The following MACROD2 variants were observed in gnomAD, a reference collection of about 807,000 sequenced individuals.
The protein encoded by MACROD2 is mono-ADP ribosylhydrolase 2.
A neutral mutation model predicts 70.4 loss-of-function variants in MACROD2; 36 were observed. The ratio of observed to expected loss-of-function variants is 0.51; its 90% CI spans 0.39 to 0.68. The LOEUF (loss-of-function observed/expected upper bound fraction) is 0.68. MACROD2 is among the 30% of genes least tolerant of loss of function. The pLI, the probability that MACROD2 is intolerant of heterozygous loss-of-function variation, is 0.00. For missense variants in MACROD2, 496 were observed against 538.4 expected, an observed-to-expected ratio of 0.92 and a Z score of 0.78; for synonymous variants, 172 against 178.8, an observed-to-expected ratio of 0.96 and a Z score of 0.30.
At chr20:15,437,950 T>C (rs1341562668) in intron 7 of MACROD2, among the ~76,000 whole-genome samples, 2 of 152,122 alleles carry the variant, frequency 1.3e-5, no homozygotes, top group Non-Finnish European at 2.9e-5. Context: ...TGAATAGTGC[T>C]GCAATGAACA....
intron 10 of MACROD2, among the ~76,000 whole-genome samples, chr20:15,910,693 G>A (rs774014847): frequency 2.6e-5 from 4 of 151,982 alleles, no homozygotes; most frequent in African/African-American, 7.3e-5. Context: ...TGAACACGTC[G>A]GTCCACGAAT....
intron 4 of MACROD2, among the ~76,000 whole-genome samples, chr20:14,614,671 A>G (rs1226193377): frequency 6.6e-6 from 1 of 152,096 alleles, no homozygotes; most frequent in Non-Finnish European, 1.5e-5. Flanking sequence ...TGTTGATGAT[A>G]TTTTAGATGT....
intron 15 of MACROD2, 70 bp downstream of exon 15, chr20:15,987,228 A>G: frequency 8.0e-7 from 1 of 1,251,866 alleles, no homozygotes. Context: ...GAATTCAACC[A>G]TCAAAGTTAT....
intron 15 of MACROD2, among the ~76,000 whole-genome samples, chr20:15,991,024 T>C (rs1458255023): frequency 6.7e-6 from 1 of 149,454 alleles, no homozygotes; most frequent in African/African-American, 2.5e-5. Flanking sequence ...TTGTACCCTA[T>C]TGATAAAAAT....
intron 5 of MACROD2, among the ~76,000 whole-genome samples, chr20:14,739,129 G>A (rs777624564): frequency 2.7e-4 from 41 of 151,952 alleles, no homozygotes; most frequent in Non-Finnish European, 4.6e-4. Flanking sequence ...ATAGCATTTG[G>A]AGGAAATAAT....
intron 7 of MACROD2, among the ~76,000 whole-genome samples, chr20:15,459,867 A>G (rs2046783943): frequency 6.6e-6 from 1 of 151,534 alleles, no homozygotes; most frequent in Non-Finnish European, 1.5e-5. Context: ...TTTGGGGGCC[A>G]CCCTTCTCCA....
intron 2 of MACROD2, among the ~76,000 whole-genome samples, chr20:14,058,929 A>G (rs1325812850): frequency 6.6e-6 from 1 of 152,140 alleles, no homozygotes; most frequent in Non-Finnish European, 1.5e-5. Context: ...GGCTTGAGCC[A>G]CTGCGTCTGG....
chr20:15,999,120 A>T (rs1011985406), intron 15 of MACROD2, among the ~76,000 whole-genome samples: 3 of 152,170 alleles, frequency 2.0e-5, no homozygotes. Flanking sequence ...TAATGTAGGC[A>T]TTCATAACTA....
At chr20:15,518,476 G>A (rs570672247) in intron 8 of MACROD2, among the ~76,000 whole-genome samples, 2 of 152,294 alleles carry the variant, frequency 1.3e-5, no homozygotes, top group East Asian at 1.9e-4. Context: ...TGAAGCAGAG[G>A]CCAAATTATT....
chr20:15,754,365 G>A (rs1330285727), intron 8 of MACROD2, among the ~76,000 whole-genome samples: 10 of 152,298 alleles, frequency 6.6e-5, no homozygotes, highest in Non-Finnish European at 7.3e-5. Context: ...GCTCACGCCC[G>A]TAATCTCAGC....
chr20:14,381,743 A>G (rs903776815), intron 3 of MACROD2, among the ~76,000 whole-genome samples: 1 of 152,200 alleles, frequency 6.6e-6, no homozygotes, highest in Admixed American at 6.5e-5. Context: ...TTATGTTTAC[A>G]CCAAAACCCA....
intron 5 of MACROD2, among the ~76,000 whole-genome samples, chr20:14,908,795 G>A (rs950116686): frequency 3.3e-5 from 5 of 152,190 alleles, no homozygotes; most frequent in African/African-American, 7.2e-5. Flanking sequence ...GAAGGTCTAC[G>A]ATAAGGTGGC....
intron 7 of MACROD2, among the ~76,000 whole-genome samples, chr20:15,449,108 C>T (rs2046606689): frequency 6.6e-6 from 1 of 152,092 alleles, no homozygotes; most frequent in Admixed American, 6.5e-5. Flanking sequence ...GTCTAGTCAC[C>T]AGAAAACTGG....
chr20:15,164,309 A>T (rs1369120061), intron 5 of MACROD2, among the ~76,000 whole-genome samples: 1 of 152,170 alleles, frequency 6.6e-6, no homozygotes, highest in African/African-American at 2.4e-5. Context: ...ATACAGGAAG[A>T]TGTGTGTACA....
chr20:14,860,271 T>C (rs1044864323), intron 5 of MACROD2, among the ~76,000 whole-genome samples: 3 of 152,168 alleles, frequency 2.0e-5, no homozygotes, highest in Admixed American at 1.3e-4. Context: ...AAGGTCTGTG[T>C]CATAAATGCT....
chr20:15,115,578 AG>A (rs1169564087), intron 5 of MACROD2, among the ~76,000 whole-genome samples: 1 of 152,136 alleles, frequency 6.6e-6, no homozygotes. Flanking sequence ...CCAAACATGC[AG>A]GGTTTCAAGG....
At chr20:15,133,794 T>G (rs2076124302) in intron 5 of MACROD2, among the ~76,000 whole-genome samples, 1 of 152,140 alleles carries the variant, frequency 6.6e-6, no homozygotes, top group African/African-American at 2.4e-5. Flanking sequence ...TATGAGACTG[T>G]TTAAATAACA....
At chr20:14,247,756 A>G (rs1697163517) in intron 3 of MACROD2, among the ~76,000 whole-genome samples, 1 of 152,216 alleles carries the variant, frequency 6.6e-6, no homozygotes, top group Non-Finnish European at 1.5e-5. Context: ...AGAACAAGAA[A>G]TCATGTCAGT....
At chr20:15,576,111 T>A (rs945798728) in intron 8 of MACROD2, among the ~76,000 whole-genome samples, 17 of 152,214 alleles carry the variant, frequency 1.1e-4, no homozygotes, top group Non-Finnish European at 7.4e-5. Flanking sequence ...CTATTTTTTT[T>A]AATTTGTATG....
Sources: gnomAD v4.1 joint callset for allele counts (sites outside exome capture counted in the v4.1 genomes callset) on GRCh38, gnomAD v4.1.1 for gene constraint, MANE v1.5 for transcripts, NCBI Gene and HGNC (gene_info 2026-07-23, HGNC 2026-07-21) for gene names.